Variants in VWF observed in about 807,000 individuals in gnomAD.
The protein encoded by VWF is Factor VIII related antigen.
VWF carries 176 observed loss-of-function variants against 308.6 expected under a neutral mutation model. That is an observed-to-expected ratio of 0.57 (90% CI 0.50 to 0.65). VWF has a LOEUF of 0.65. Among genes scored for constraint, VWF ranks in the 30% least tolerant of loss-of-function variants. The pLI, the probability that VWF is intolerant of heterozygous loss-of-function variation, is 0.00. For synonymous variants in VWF, 1,385 were observed against 1,443.4 expected, an observed-to-expected ratio of 0.96 and a Z score of 0.92; for missense variants, 3,146 against 3,648.2, an observed-to-expected ratio of 0.86 and a Z score of 3.55.
chr12:6,094,879 A>AT (rs386375484), intron 6 of VWF, among the ~76,000 whole-genome samples: 1,832 of 104,944 alleles, frequency 0.017, 56 homozygotes, highest in Non-Finnish European at 0.02. Flanking sequence ...TGCCCAGCTA[A>AT]TTTTTTTTTT....
chr12:6,050,792 C>G (rs578231613), intron 16 of VWF, among the ~76,000 whole-genome samples: 1 of 151,916 alleles, frequency 6.6e-6, no homozygotes, highest in Non-Finnish European at 1.5e-5. Flanking sequence ...CCCGTCTCTA[C>G]TAAAATACAA....
At position 6,108,994 on chromosome 12, in the gene VWF, A is replaced by T. The variant is rs533814229; in HGVS notation, c.532+1380T>A. Among the ~76,000 whole-genome samples, 925 of 152,214 alleles carry T rather than the reference A, an allele frequency of 6.1e-3. 13 individuals are homozygous for T. The highest frequency in any genetic ancestry group is 0.021 in the African/African-American group (884 of 41,542). ...AGACTCCGTCTCAAAAAAAAAAAAA[A>T]AAAAATTCAAACTTTTGAATTTGTA... On this transcript the variant is annotated intron_variant, in intron 5 of 51. Transcript: ENST00000261405.
Position 5,983,244 on chromosome 12 carries a change from T to G in VWF, c.6987A>C (p.Pro2329=). ...GCACTGGGGGCAGGTCACAGCTCAC[T>G]GGGTCACACACTGAGGGCCAGAAAG... ...CCPEYECVCD[P]VSCDLPPVPH... is the part of the protein sequence containing the mutation. The change falls in exon 41 of 52, where the codon CCA becomes CCC. Residue 2329 remains proline (P), a synonymous_variant. Coordinates refer to ENST00000261405, the MANE Select transcript of VWF (RefSeq NM_000552.5). The G allele has an allele frequency of 6.2e-7, 1 of 1,614,008 alleles. No individual in the cohort carries two copies. Among genetic ancestry groups the G allele is most frequent in the Non-Finnish European group, 8.5e-7 (1 of 1,179,960 alleles).
intron 42 of VWF, among the ~76,000 whole-genome samples, chr12:5,980,995 A>G (rs1309504601): frequency 1.3e-5 from 2 of 152,210 alleles, no homozygotes; most frequent in African/African-American, 4.8e-5. Flanking sequence ...GCTGTTTGTA[A>G]TGAAAATCTG....
chr12:6,085,200 T>C (rs1482771203), intron 6 of VWF, among the ~76,000 whole-genome samples: 1 of 152,218 alleles, frequency 6.6e-6, no homozygotes, highest in Non-Finnish European at 1.5e-5. Context: ...GTTCCCAGTC[T>C]AGGGCCTACC....
chr12:6,068,575 T>G (rs1239277901), intron 10 of VWF, among the ~76,000 whole-genome samples: 1 of 152,084 alleles, frequency 6.6e-6, no homozygotes, highest in Non-Finnish European at 1.5e-5. Flanking sequence ...GCTCTCACAA[T>G]TCTCCTGCCT....
chr12:6,110,168 G>A (rs1481818669), intron 5 of VWF, among the ~76,000 whole-genome samples: 3 of 152,254 alleles, frequency 2.0e-5, no homozygotes, highest in Non-Finnish European at 4.4e-5. Context: ...GTTGAACGAA[G>A]TCAGCTTTGA....
At chr12:6,115,859 A>C (rs932151010) in intron 3 of VWF, among the ~76,000 whole-genome samples, 1 of 152,154 alleles carries the variant, frequency 6.6e-6, no homozygotes, top group African/African-American at 2.4e-5. Flanking sequence ...CCTCAGGGGG[A>C]AAACCACCCC....
rs1944826514 is a variant in VWF, at chr12:6,075,068, T to C, written c.874+267A>G. ...ACACTGTGTGAGTGCAGGGGTCGGA[T>C]TTCCTGAGGGAAGTCAGGGGGCGCC... is the stretch of plus-strand genomic sequence containing the variant. On this transcript the variant is annotated intron_variant, in intron 7 of 51. Transcript: ENST00000261405. The surrounding 1 kb of genome is among the most constrained non-coding windows in gnomAD (Gnocchi z 4.7). Among the ~76,000 whole-genome samples, 1 of 151,254 alleles carries C rather than the reference T, an allele frequency of 6.6e-6. No individual in the cohort carries two copies. The highest frequency in any genetic ancestry group is 2.4e-5 in the African/African-American group (1 of 41,122).
rs922706729 is a variant in VWF, at chr12:6,056,947, G to A, written c.1855C>T (p.Arg619Cys). The A allele has an allele frequency of 5.9e-6, 9 of 1,537,178 alleles. No homozygotes were observed. The African/African-American group carries it at 6.9e-5, about 12-fold the overall frequency. Residue 619 changes from arginine (R) to cysteine (C), a missense_variant, in exon 15 of 52, where the codon CGC becomes TGC. Physicochemically the swap from Arg to Cys is radical, Grantham distance 180. Coordinates refer to ENST00000261405, the MANE Select transcript of VWF (RefSeq NM_000552.5). ...RYDVCSCSDG[R>C]ECLCGALASY... ...GCCAGGGCGCCGCACAGGCACTCGCGGCCGTCCGAGCAGGAGCACACGTCG... is the reference window on the plus strand; with the variant it reads ...GCCAGGGCGCCGCACAGGCACTCGCAGCCGTCCGAGCAGGAGCACACGTCG...
At chr12:6,113,446 C>T (rs1349721436) in intron 3 of VWF, among the ~76,000 whole-genome samples, 2 of 151,896 alleles carry the variant, frequency 1.3e-5, no homozygotes, top group African/African-American at 2.4e-5. Context: ...TACAGGTGCC[C>T]GCCACCATGC....
chr12:5,992,745 C>T (rs1284642029), intron 37 of VWF, among the ~76,000 whole-genome samples: 2 of 152,208 alleles, frequency 1.3e-5, no homozygotes, highest in African/African-American at 4.8e-5. Context: ...TCCTCACATC[C>T]TCAAGGCACC....
intron 18 of VWF, among the ~76,000 whole-genome samples, chr12:6,037,190 G>A (rs562941351): frequency 2.0e-5 from 3 of 152,310 alleles, no homozygotes; most frequent in East Asian, 3.9e-4. Flanking sequence ...TGGGATAGGC[G>A]AGTGGGAGGA....
At chr12:6,096,183 G>A (rs879719662) in intron 5 of VWF, among the ~76,000 whole-genome samples, 1 of 152,012 alleles carries the variant, frequency 6.6e-6, no homozygotes, top group Non-Finnish European at 1.5e-5. Context: ...TGAGGGAGAT[G>A]AGGTGAAAGA....
intron 21 of VWF, among the ~76,000 whole-genome samples, chr12:6,030,691 A>G (rs1425555870): frequency 6.6e-6 from 1 of 152,128 alleles, no homozygotes; most frequent in Admixed American, 6.5e-5. Context: ...CTACTTTTTA[A>G]GTTCTTAGTA....
At position 6,075,630 on chromosome 12, in the gene VWF, G is replaced by C. The variant is rs921598027; in HGVS notation, c.658-79C>G. The C allele has an allele frequency of 1.5e-5, 22 of 1,496,450 alleles. No homozygotes were observed. The highest frequency in any genetic ancestry group is 5.9e-5 in the Admixed American group (3 of 51,234). 92.7% of individuals were successfully genotyped at this position (1,496,450 alleles called of 1,614,324 possible). Reference sequence around the variant, plus strand: ...GTGGCACTGAGACTTAGCCCTGCTAGGGAAACCAAGGCAGCTCCCTCAGCA... The same window carrying C: ...GTGGCACTGAGACTTAGCCCTGCTACGGAAACCAAGGCAGCTCCCTCAGCA... On this transcript the variant is annotated intron_variant, in intron 6 of 51. Transcript: ENST00000261405. The surrounding 1 kb of genome is among the most constrained non-coding windows in gnomAD (Gnocchi z 4.7).
intron 22 of VWF, among the ~76,000 whole-genome samples, chr12:6,027,849 T>TACACACACAC (rs138442170): frequency 0.012 from 1,527 of 131,224 alleles, 27 homozygotes; most frequent in African/African-American, 0.03. Flanking sequence ...GGAAGACACA[T>TACACACACAC]ACACACACAC....
intron 9 of VWF, among the ~76,000 whole-genome samples, chr12:6,071,891 G>A (rs140709303): frequency 1.3e-5 from 2 of 152,304 alleles, no homozygotes; most frequent in East Asian, 1.9e-4. Context: ...GGCTGGGCCT[G>A]GCCTACTGCA....
Position 6,102,179 on chromosome 12 carries a change from C to T in VWF, c.533-6595G>A, listed in dbSNP as rs1233736798. Among the ~76,000 whole-genome samples, 3 of 152,168 alleles carry T rather than the reference C, an allele frequency of 2.0e-5. 1 individual carries two copies. Among genetic ancestry groups the T allele is most frequent in the Non-Finnish European group, 2.9e-5 (2 of 68,022 alleles). ...ACAGTCAGCTGGGCAAGGTGGCTCA[C>T]ACCTGTAATCCCAGCACTTCGGGAG... On this transcript the variant is annotated intron_variant, in intron 5 of 51. Transcript: ENST00000261405.
Sources: allele counts gnomAD v4.1 joint callset (sites outside exome capture counted in the v4.1 genomes callset), GRCh38; gene constraint gnomAD v4.1.1; non-coding constraint Gnocchi (gnomAD v3.1); transcripts MANE v1.5; gene names NCBI Gene and HGNC (gene_info 2026-07-23, HGNC 2026-07-21).